Variants in SATL1 observed in about 807,000 individuals in gnomAD.
SATL1 encodes spermidine/spermine N1-acetyl transferase like 1, also known as spermidine/spermine N(1)-acetyltransferase-like protein 1.
A neutral mutation model predicts 51.8 loss-of-function variants in SATL1; 47 were observed. That is an observed-to-expected ratio of 0.91 (90% CI 0.72 to 1.16). The LOEUF (loss-of-function observed/expected upper bound fraction) is 1.16. SATL1 is among the 50% of genes most tolerant of loss of function. The pLI is 0.00. For synonymous variants in SATL1, 176 were observed against 182.4 expected (o/e 0.97, Z 0.28); for missense variants, 520 against 526.4 (o/e 0.99, Z 0.12).
chrX:85,178,037 T>C (rs1219924074), intron 2 of SATL1, among the ~76,000 whole-genome samples: 1 of 111,784 alleles, frequency 8.9e-6, no homozygotes, highest in Non-Finnish European at 1.9e-5. Context: ...TGTATCCTTT[T>C]CAGCATATCA....
At position 85,103,979 on chromosome X, in the gene SATL1, CAT is replaced by C. The variant is rs765160938; in HGVS notation, c.1642-66_1642-65del. 4.7e-6 allele frequency: 4 copies of C among 858,938 alleles called. No individual in the cohort carries two copies. In the East Asian group the frequency reaches 1.4e-4, roughly 30 times the overall value. The allele number at this position is 858,938 out of a possible 1,213,427, so 70.8% of individuals were successfully genotyped here. On this transcript the variant is annotated intron_variant, in intron 3 of 7. Coordinates refer to ENST00000644105, the MANE Select transcript of SATL1 (RefSeq NM_001367857.2). ...AATAAATTATTAAGATGATAATCATCATAAAATTTGTATTAAACATTTATTGA... is the reference window on the plus strand; with the variant it reads ...AATAAATTATTAAGATGATAATCATCAAAATTTGTATTAAACATTTATTGA...
At chrX:85,142,719 T>C (rs1352479792) in intron 2 of SATL1, 1 of 111,582 alleles carries the variant, frequency 9.0e-6, no homozygotes, top group Non-Finnish European at 1.9e-5. Context: ...GGAAAATATA[T>C]GGCAGATATG....
At chrX:85,173,242 G>A (rs543934163) in intron 2 of SATL1, among the ~76,000 whole-genome samples, 1 of 110,980 alleles carries the variant, frequency 9.0e-6, no homozygotes, top group South Asian at 3.7e-4. Flanking sequence ...GACTGTACAA[G>A]TAGTATCAGA....
At chrX:85,096,312 GAAGA>G (rs1468130139) in intron 4 of SATL1, among the ~76,000 whole-genome samples, 1 of 110,985 alleles carries the variant, frequency 9.0e-6, no homozygotes, top group Non-Finnish European at 1.9e-5. Context: ...TGAATAAGTT[GAAGA>G]AAGAGTCTGT....
intron 2 of SATL1, chrX:85,207,584 G>A (rs1283651294): frequency 9.0e-6 from 1 of 111,497 alleles, no homozygotes; most frequent in Non-Finnish European, 1.9e-5. Flanking sequence ...CCCTTCACAT[G>A]ACTTCATATT....
intron 2 of SATL1, among the ~76,000 whole-genome samples, chrX:85,159,637 A>G (rs763309557): frequency 6.3e-5 from 7 of 111,500 alleles, no homozygotes; most frequent in Non-Finnish European, 1.3e-4. Flanking sequence ...ATATTTTACC[A>G]TGTTTTTTTT....
At chrX:85,222,909 G>A (rs915051694) in intron 2 of SATL1, among the ~76,000 whole-genome samples, 7 of 111,410 alleles carry the variant, frequency 6.3e-5, no homozygotes, top group Non-Finnish European at 1.1e-4. Context: ...TATTCCACTT[G>A]GTATTACTCT....
At chrX:85,204,609 G>T (rs892696990) in intron 2 of SATL1, among the ~76,000 whole-genome samples, 2 of 111,869 alleles carry the variant, frequency 1.8e-5, no homozygotes, top group Non-Finnish European at 3.8e-5. Flanking sequence ...TTGGAGCAAA[G>T]ACAGGAAAAG....
chrX:85,122,385 T>C lies in SATL1; in HGVS notation c.-312-13105A>G, dbSNP rs148262115. Reference sequence around the variant, plus strand: ...CCACCCTCCAGGTATTCTGATTCAATGGATTTGGTGTAGGGCCAGTCTGCA... The same window carrying C: ...CCACCCTCCAGGTATTCTGATTCAACGGATTTGGTGTAGGGCCAGTCTGCA... On this transcript the variant is annotated intron_variant, in intron 2 of 7. Coordinates refer to ENST00000644105, the MANE Select transcript of SATL1 (RefSeq NM_001367857.2). 3.8e-3 allele frequency among the ~76,000 whole-genome samples: 424 copies of C among 111,464 alleles called. 2 individuals are homozygous for C. The highest frequency in any genetic ancestry group is 0.013 in the African/African-American group (414 of 30,764).
In SATL1 at chrX:85,109,204, C is replaced by T. The variant is rs10521371; in HGVS notation, c.-236G>A. Reference sequence around the variant, plus strand: ...ACCTCAGGAAGATTATTAATGCCTCCGGTTTGCTGGAGTTGACTTCACCAG... The same window carrying T: ...ACCTCAGGAAGATTATTAATGCCTCTGGTTTGCTGGAGTTGACTTCACCAG... On this transcript the variant is annotated 5_prime_UTR_variant, in exon 3 of 8. Coordinates refer to ENST00000644105, the MANE Select transcript of SATL1 (RefSeq NM_001367857.2). 25 of 401,469 alleles carry T rather than the reference C, an allele frequency of 6.2e-5. No homozygotes were observed. In the East Asian group the frequency reaches 7.1e-4, roughly 11 times the overall value. The allele number at this position is 401,469 out of a possible 1,213,427, so 33.1% of individuals were successfully genotyped here. A position where few individuals can be genotyped will look rare whatever the true frequency, so the allele number is the denominator to read the frequency against.
chrX:85,116,184 C>T (rs757804608), intron 2 of SATL1: 23 of 111,653 alleles, frequency 2.1e-4, no homozygotes, highest in African/African-American at 6.8e-4. Context: ...ATGGCATCAA[C>T]GTATGCTACT....
chrX:85,178,645 AAC>A (rs1363491592), intron 2 of SATL1, among the ~76,000 whole-genome samples: 1 of 107,271 alleles, frequency 9.3e-6, no homozygotes, highest in African/African-American at 3.6e-5. Flanking sequence ...CAAACAAACA[AAC>A]AAAAAAAAAC....
At chrX:85,147,893 T>G (rs1452391662) in intron 2 of SATL1, among the ~76,000 whole-genome samples, 1 of 111,155 alleles carries the variant, frequency 9.0e-6, no homozygotes, top group African/African-American at 3.3e-5. Flanking sequence ...GCAGAAAAAC[T>G]GGAAACTCTA....
chrX:85,205,691 TG>T (rs776143032), intron 2 of SATL1, among the ~76,000 whole-genome samples: 2 of 112,283 alleles, frequency 1.8e-5, no homozygotes, highest in African/African-American at 6.5e-5. Context: ...TGTGTCATGC[TG>T]GGCTTTGTAG....
chrX:85,123,093 C>T (rs1925542722), intron 2 of SATL1, among the ~76,000 whole-genome samples: 1 of 111,452 alleles, frequency 9.0e-6, no homozygotes, highest in Admixed American at 9.6e-5. Flanking sequence ...CATGCCTTTG[C>T]TATTGTGAAT....
At chrX:85,120,799 T>C (rs907998329) in intron 2 of SATL1, among the ~76,000 whole-genome samples, 2 of 111,408 alleles carry the variant, frequency 1.8e-5, no homozygotes, top group East Asian at 2.8e-4. Context: ...TTTAGAGTTG[T>C]CTGTCATAGC....
rs186310671 is a variant in SATL1, at chrX:85,165,732, G to A, written c.-312-56452C>T. Among the ~76,000 whole-genome samples, 950 of 111,510 alleles carry A rather than the reference G, an allele frequency of 8.5e-3. 8 individuals carry two copies. The highest frequency in any genetic ancestry group is 0.014 in the Non-Finnish European group (755 of 53,042). On this transcript the variant is annotated intron_variant, in intron 2 of 7. Transcript: ENST00000644105. ...TGCTTTTCAGAATATTTTATCCCATGGGGTGATCCCTTGATATGGTGCTAT... is the reference window on the plus strand; with the variant it reads ...TGCTTTTCAGAATATTTTATCCCATAGGGTGATCCCTTGATATGGTGCTAT...
At chrX:85,124,567 C>G (rs4494047) in intron 2 of SATL1, among the ~76,000 whole-genome samples, 3 of 110,650 alleles carry the variant, frequency 2.7e-5, no homozygotes, top group African/African-American at 9.9e-5. Context: ...ACTTAGCACC[C>G]ATATGTTGTG....
intron 2 of SATL1, chrX:85,143,110 T>A (rs1000244481): frequency 4.5e-5 from 5 of 111,851 alleles, no homozygotes; most frequent in African/African-American, 1.6e-4. Flanking sequence ...TGGCAAATAA[T>A]AAAACATGAA....
Sources: gnomAD v4.1 joint callset for allele counts (sites outside exome capture counted in the v4.1 genomes callset) on GRCh38, gnomAD v4.1.1 for gene constraint, MANE v1.5 for transcripts, NCBI Gene and HGNC (gene_info 2026-07-23, HGNC 2026-07-21) for gene names.